The following ARID4A variants were observed in gnomAD, a reference collection of about 807,000 sequenced individuals.
ARID4A encodes the protein AT-rich interaction domain 4A.
In ARID4A, 39 loss-of-function variants were observed where a neutral mutation model predicts 148.6. The ratio of observed to expected loss-of-function variants is 0.26; its 90% CI spans 0.20 to 0.34. The LOEUF is 0.34. Ranked by LOEUF, ARID4A falls within the 10% of genes least tolerant of loss-of-function variation. ARID4A has a pLI of 1.00. For synonymous variants in ARID4A, 475 were observed against 481.2 expected (o/e 0.99, Z 0.17); for missense variants, 1,265 against 1,449.1 (o/e 0.87, Z 2.06).
intron 11 of ARID4A, among the ~76,000 whole-genome samples, chr14:58,341,980 G>A (rs2034138920): frequency 6.6e-6 from 1 of 152,244 alleles, no homozygotes; most frequent in Middle Eastern, 3.4e-3. Context: ...ACAGTGCCAG[G>A]CCTTCACCAG....
At chr14:58,357,112 A>G (rs998551307) in intron 17 of ARID4A, among the ~76,000 whole-genome samples, 3 of 152,220 alleles carry the variant, frequency 2.0e-5, no homozygotes. Flanking sequence ...CCAGTACTGT[A>G]CAGTGTATTC....
chr14:58,302,387 A>G (rs2031246383), intron 3 of ARID4A, among the ~76,000 whole-genome samples: 1 of 151,874 alleles, frequency 6.6e-6, no homozygotes, highest in Non-Finnish European at 1.5e-5. Context: ...CCAGCTGCTC[A>G]GGAGGCTGAG....
At chr14:58,344,982 C>T (rs1402383930) in intron 12 of ARID4A, among the ~76,000 whole-genome samples, 1 of 152,178 alleles carries the variant, frequency 6.6e-6, no homozygotes, top group Non-Finnish European at 1.5e-5. Context: ...AAGTGATCCT[C>T]CTGCCTCAGC....
At chr14:58,347,208 C>A in intron 14 of ARID4A, 91 bp downstream of exon 14, 2 of 642,006 alleles carry the variant, frequency 3.1e-6, no homozygotes, top group Non-Finnish European at 2.4e-6. Context: ...AATCTAGAAA[C>A]ATTAAAGTTA....
intron 9 of ARID4A, 47 bp downstream of exon 9, chr14:58,328,363 A>AT: frequency 1.6e-6 from 2 of 1,267,436 alleles, no homozygotes; most frequent in Non-Finnish European, 2.3e-6. Flanking sequence ...GAAAAAAAAA[A>AT]TAGAATTACA....
rs137901958 is a variant in ARID4A at position 58,361,962 on chromosome 14, G to A, written c.2080+920G>A. ...TTTGATTTGAAGAAAATATTTTGCT[G>A]TATCATTTTTATCTAAAATTTAGTG... On this transcript the variant is annotated intron_variant, in intron 19 of 23. Transcript: ENST00000355431. Among the ~76,000 whole-genome samples the A allele has an allele frequency of 3.7e-3, 561 of 152,234 alleles. 4 individuals carry two copies. The highest frequency in any genetic ancestry group is 0.012 in the African/African-American group (490 of 41,530).
At position 58,304,924 on chromosome 14, in the gene ARID4A, T is replaced by C. The variant is rs1386181560; in HGVS notation, c.118-20T>C. 3 of 1,596,256 alleles carry C rather than the reference T, an allele frequency of 1.9e-6. No homozygotes were observed. The highest frequency in any genetic ancestry group is 2.2e-5 in the East Asian group (1 of 44,604). ...TGTTTTAAAAGTAATATGCAAATTA[T>C]TGTGCAAAATGTTTTTCAGGTACTC... On this transcript the variant is annotated intron_variant, in intron 3 of 23. Coordinates refer to ENST00000355431, the MANE Select transcript of ARID4A (RefSeq NM_002892.4).
chr14:58,349,826 C>G (rs1041870614), intron 15 of ARID4A, among the ~76,000 whole-genome samples: 2 of 150,748 alleles, frequency 1.3e-5, no homozygotes, highest in Non-Finnish European at 3.0e-5. Context: ...AAAGCACCTG[C>G]TAGGCCGGGC....
intron 5 of ARID4A, among the ~76,000 whole-genome samples, chr14:58,306,912 G>A (rs1011406401): frequency 6.6e-6 from 1 of 152,146 alleles, no homozygotes; most frequent in African/African-American, 2.4e-5. Flanking sequence ...AAATATAGAT[G>A]CTCCTAATAT....
At chr14:58,365,733 C>T (rs951434994) in intron 21 of ARID4A, 111 bp downstream of exon 21, 3 of 949,422 alleles carry the variant, frequency 3.2e-6, no homozygotes, top group Non-Finnish European at 4.7e-6. Flanking sequence ...ACTGCATTTT[C>T]ATTTAACAGT....
intron 11 of ARID4A, among the ~76,000 whole-genome samples, chr14:58,339,201 C>T (rs2033986729): frequency 1.3e-5 from 2 of 151,510 alleles, no homozygotes; most frequent in Admixed American, 6.6e-5. Context: ...GGTCTAAAAC[C>T]CCTGGGCTCA....
At chr14:58,337,246 T>TTATATATA (rs57605969) in intron 11 of ARID4A, among the ~76,000 whole-genome samples, 1,858 of 83,804 alleles carry the variant, frequency 0.022, 174 homozygotes, top group African/African-American at 0.054. Context: ...TTCTCTTTAT[T>TTATATATA]TATATATATA....
At chr14:58,358,009 C>G (rs549290703) in intron 17 of ARID4A, among the ~76,000 whole-genome samples, 55 of 152,042 alleles carry the variant, frequency 3.6e-4, no homozygotes, top group African/African-American at 1.3e-3. Flanking sequence ...TCAAGACCAG[C>G]CTGGGCAACA....
chr14:58,304,862 A>T (rs1312713258), intron 3 of ARID4A, 82 bp from the exon 4 acceptor site: 8 of 1,171,976 alleles, frequency 6.8e-6, no homozygotes, highest in Non-Finnish European at 1.0e-5. Flanking sequence ...AGCATAAATT[A>T]AAGACATTAT....
chr14:58,348,479 G>C (rs1049024419), intron 15 of ARID4A, among the ~76,000 whole-genome samples: 1 of 152,126 alleles, frequency 6.6e-6, no homozygotes, highest in Non-Finnish European at 1.5e-5. Flanking sequence ...TAACTTTATA[G>C]CACACTGTGT....
At position 58,330,207 on chromosome 14, in the gene ARID4A, A is replaced by G. The variant is rs367567250; in HGVS notation, c.906+38A>G. 16 of 1,593,772 alleles carry G rather than the reference A, an allele frequency of 1.0e-5. No homozygotes were observed. The African/African-American group carries it at 2.0e-4, about 20-fold the overall frequency. On this transcript the variant is annotated intron_variant, in intron 11 of 23. Coordinates refer to ENST00000355431, the MANE Select transcript of ARID4A (RefSeq NM_002892.4). ...TCATGTTTGTAACAAAAACATCTTAATACTCTCTAGTGAAAATAATACCTT... is the reference window on the plus strand; with the variant it reads ...TCATGTTTGTAACAAAAACATCTTAGTACTCTCTAGTGAAAATAATACCTT...
intron 19 of ARID4A, 97 bp downstream of exon 19, chr14:58,361,139 T>G (rs2035116646): frequency 2.7e-6 from 4 of 1,462,628 alleles, no homozygotes; most frequent in Non-Finnish European, 2.7e-6. Flanking sequence ...TTAAAAAAAA[T>G]CAATAACATA....
intron 19 of ARID4A, chr14:58,361,243 ATT>A (rs562275733): frequency 1.9e-4 from 67 of 349,290 alleles, no homozygotes; most frequent in Non-Finnish European, 2.4e-4. Flanking sequence ...TTGGTTTTTG[ATT>A]TTTTTTTTTT....
rs75592415 is a variant in ARID4A at position 58,342,471 on chromosome 14, C to T, written c.907-2224C>T. ...TATATTCTTAACATTAAAAATTTAT[C>T]AAATGTTGGGTACAACCTAATTTGC... On this transcript the variant is annotated intron_variant, in intron 11 of 23. Coordinates refer to ENST00000355431, the MANE Select transcript of ARID4A (RefSeq NM_002892.4). 4.1e-3 allele frequency among the ~76,000 whole-genome samples: 622 copies of T among 152,210 alleles called. 29 individuals carry two copies. The East Asian group carries it at 0.1, about 25-fold the overall frequency.
Sources: allele counts gnomAD v4.1 joint callset (sites outside exome capture counted in the v4.1 genomes callset), GRCh38; gene constraint gnomAD v4.1.1; transcripts MANE v1.5; gene names NCBI Gene and HGNC (gene_info 2026-07-23, HGNC 2026-07-21).